RALYL: variants seen among roughly 807,000 people sequenced by gnomAD.
RALYL encodes the protein RALY RNA binding protein like.
In RALYL, 29 loss-of-function variants were observed where a neutral mutation model predicts 35.1. That is an observed-to-expected ratio of 0.83 (90% CI 0.61 to 1.13). The LOEUF is 1.13. Ranked by LOEUF, RALYL falls within the 50% of genes most tolerant of loss-of-function variation. The pLI, the probability that RALYL is intolerant of heterozygous loss-of-function variation, is 0.00. For synonymous variants in RALYL, 120 were observed against 127.6 expected (o/e 0.94, Z 0.40); for missense variants, 359 against 360.4 (o/e 1.00, Z 0.03).
chr8:84,555,000 G>T (rs890314483), intron 2 of RALYL, among the ~76,000 whole-genome samples: 1 of 151,998 alleles, frequency 6.6e-6, no homozygotes, highest in Non-Finnish European at 1.5e-5. Flanking sequence ...AAATATGTTG[G>T]CCTGGCACAG....
intron 2 of RALYL, among the ~76,000 whole-genome samples, chr8:84,760,610 T>C (rs1332563884): frequency 6.6e-6 from 1 of 152,132 alleles, no homozygotes; most frequent in Non-Finnish European, 1.5e-5. Context: ...TTACATTTTG[T>C]TTACATTTTA....
At chr8:84,396,073 C>A (rs1292486732) in intron 1 of RALYL, among the ~76,000 whole-genome samples, 2 of 151,846 alleles carry the variant, frequency 1.3e-5, no homozygotes, top group Admixed American at 1.3e-4. Context: ...TAAAATATTT[C>A]TATTTTCATT....
At chr8:84,501,874 T>C (rs1037639483) in intron 1 of RALYL, among the ~76,000 whole-genome samples, 6 of 150,648 alleles carry the variant, frequency 4.0e-5, no homozygotes, top group Admixed American at 3.3e-4. Flanking sequence ...CATATTATGT[T>C]ATTCATAAAT....
intron 2 of RALYL, among the ~76,000 whole-genome samples, chr8:84,681,306 T>C (rs1301179957): frequency 2.0e-5 from 3 of 152,214 alleles, no homozygotes; most frequent in African/African-American, 7.2e-5. Flanking sequence ...CTTTGCTCTT[T>C]TTGCTTAGGA....
chr8:84,888,890 C>G lies in RALYL; in HGVS notation c.858+1114C>G, dbSNP rs375020798. On this transcript the variant is annotated intron_variant, in intron 8 of 8. Transcript: ENST00000521268. ...TCAGCCTCCCGAGTAGCTGGGATTG[C>G]AGGCACCTGCCACCACATCCAGCTA... 2.0e-5 allele frequency among the ~76,000 whole-genome samples: 3 copies of G among 152,224 alleles called. No homozygotes were observed. In the East Asian group the frequency reaches 5.8e-4, roughly 29 times the overall value.
chr8:84,227,539 A>G (rs1824237741), intron 1 of RALYL, among the ~76,000 whole-genome samples: 1 of 152,178 alleles, frequency 6.6e-6, no homozygotes, highest in South Asian at 2.1e-4. Context: ...TTGTACATTC[A>G]ATACTTATCA....
chr8:84,805,431 G>A (rs1336851688), intron 4 of RALYL, among the ~76,000 whole-genome samples: 3 of 152,174 alleles, frequency 2.0e-5, no homozygotes, highest in Non-Finnish European at 2.9e-5. Flanking sequence ...GTTCATGCCT[G>A]TAATCCTAGC....
rs149876674 is a variant in RALYL at position 84,764,281 on chromosome 8, T to C, written c.257-10298T>C. The stretch of plus-strand genomic sequence containing the variant: ...CTTTTCTCTGTGATATCCTTGAGCA[T>C]ACAAAAATGTTCATGTTTGTTTACC... On this transcript the variant is annotated intron_variant, in intron 2 of 8. Coordinates refer to ENST00000521268, the MANE Select transcript of RALYL (RefSeq NM_173848.7). Among the ~76,000 whole-genome samples, 633 of 152,278 alleles carry C rather than the reference T, an allele frequency of 4.2e-3. 7 individuals are homozygous for C. Among genetic ancestry groups the C allele is most frequent in the African/African-American group, 0.014 (569 of 41,562 alleles).
intron 8 of RALYL, among the ~76,000 whole-genome samples, chr8:84,904,383 A>G (rs1394764200): frequency 6.6e-6 from 1 of 152,204 alleles, no homozygotes; most frequent in Non-Finnish European, 1.5e-5. Flanking sequence ...AGGTTTAAGG[A>G]AACTAGTATT....
intron 4 of RALYL, among the ~76,000 whole-genome samples, chr8:84,807,261 G>A (rs898252153): frequency 2.0e-5 from 3 of 152,024 alleles, no homozygotes; most frequent in Non-Finnish European, 4.4e-5. Context: ...GAACACATAC[G>A]ATGTTTGGTT....
chr8:84,434,018 C>A (rs894733911), intron 1 of RALYL, among the ~76,000 whole-genome samples: 3 of 151,998 alleles, frequency 2.0e-5, no homozygotes, highest in Non-Finnish European at 4.4e-5. Context: ...GCTGCCATAA[C>A]AAAGTACTAC....
At chr8:84,858,561 T>C (rs1837499548) in intron 5 of RALYL, among the ~76,000 whole-genome samples, 1 of 152,198 alleles carries the variant, frequency 6.6e-6, no homozygotes, top group South Asian at 2.1e-4. Context: ...TAGATTCCAT[T>C]TAATTCTGCT....
intron 1 of RALYL, among the ~76,000 whole-genome samples, chr8:84,515,491 TAACACCATTAAC>T (rs1015567060): frequency 1.3e-5 from 2 of 152,210 alleles, no homozygotes; most frequent in Non-Finnish European, 2.9e-5. Context: ...AGGCTTAAAA[TAACACCATTAAC>T]AACAGTAGTC....
intron 2 of RALYL, among the ~76,000 whole-genome samples, chr8:84,715,716 C>A (rs1842860233): frequency 6.6e-6 from 1 of 152,014 alleles, no homozygotes; most frequent in Non-Finnish European, 1.5e-5. Context: ...ACTTCTTGAT[C>A]TAGAACAGCT....
chr8:84,268,919 C>T (rs1019775742), intron 1 of RALYL, among the ~76,000 whole-genome samples: 7 of 152,232 alleles, frequency 4.6e-5, no homozygotes, highest in Middle Eastern at 3.4e-3. Flanking sequence ...ATGCGATAAT[C>T]TACTAGCATA....
chr8:84,734,072 A>G (rs572350913), intron 2 of RALYL, among the ~76,000 whole-genome samples: 2 of 152,322 alleles, frequency 1.3e-5, no homozygotes, highest in East Asian at 3.9e-4. Context: ...TCTTTGTGTA[A>G]AAAATGCGTG....
chr8:84,505,941 G>C (rs1483398901), intron 1 of RALYL, among the ~76,000 whole-genome samples: 1 of 152,138 alleles, frequency 6.6e-6, no homozygotes, highest in Non-Finnish European at 1.5e-5. Flanking sequence ...TACCATGTGT[G>C]CTAAGTTTTT....
chr8:84,550,332 A>T (rs1243888323), intron 2 of RALYL, among the ~76,000 whole-genome samples: 1 of 152,128 alleles, frequency 6.6e-6, no homozygotes, highest in Non-Finnish European at 1.5e-5. Flanking sequence ...AATTTTAAAG[A>T]TATCAAAGAA....
chr8:84,920,925 A>G lies in RALYL; in HGVS notation c.*14A>G. The stretch of plus-strand genomic sequence containing the variant: ...CAGATAAAGTGATCTGAAATAACGC[A>G]TGATGCCACAAAGCAGAAAAGAGAA... On this transcript the variant is annotated 3_prime_UTR_variant, in exon 9 of 9. Transcript: ENST00000521268. 1.4e-6 allele frequency: 2 copies of G among 1,443,356 alleles called. No homozygotes were observed. Among genetic ancestry groups the G allele is most frequent in the South Asian group, 1.4e-5 (1 of 70,604 alleles). 89.4% of individuals were successfully genotyped at this position (1,443,356 alleles called of 1,614,324 possible).
Sources: allele counts gnomAD v4.1 joint callset (sites outside exome capture counted in the v4.1 genomes callset), GRCh38; gene constraint gnomAD v4.1.1; transcripts MANE v1.5; gene names NCBI Gene and HGNC (gene_info 2026-07-23, HGNC 2026-07-21).